The following VRK1 variants were observed in gnomAD, a reference collection of about 807,000 sequenced individuals.
VRK1 encodes VRK serine/threonine kinase 1, also known as serine/threonine-protein kinase VRK1.
In VRK1, 33 loss-of-function variants were observed where a neutral mutation model predicts 57.1. That is an observed-to-expected ratio of 0.58 (90% CI 0.44 to 0.77). The LOEUF (loss-of-function observed/expected upper bound fraction) is 0.77, where lower values mean the gene tolerates loss of function less well. VRK1 is among the 30% of genes least tolerant of loss of function. The probability of loss-of-function intolerance (pLI) is 0.00; values close to 1 mark genes in which losing one functional copy is unlikely to be tolerated. For synonymous variants in VRK1, 137 were observed against 147.8 expected, an observed-to-expected ratio of 0.93 and a Z score of 0.53; for missense variants, 413 against 477.3, an observed-to-expected ratio of 0.87 and a Z score of 1.25.
intron 6 of VRK1, 60 bp downstream of exon 6, chr14:96,852,999 T>A: frequency 6.2e-7 from 1 of 1,605,324 alleles, no homozygotes; most frequent in Non-Finnish European, 8.5e-7. Flanking sequence ...TAAAGGCTAG[T>A]TTATGTTGAA....
chr14:96,873,402 T>C (rs1888904752), intron 11 of VRK1, among the ~76,000 whole-genome samples: 1 of 152,182 alleles, frequency 6.6e-6, no homozygotes, highest in Admixed American at 6.5e-5. Flanking sequence ...TTCAAAAATA[T>C]AATGTGTAAT....
At chr14:96,830,475 T>G (rs750330003) in intron 1 of VRK1, among the ~76,000 whole-genome samples, 1 of 152,182 alleles carries the variant, frequency 6.6e-6, no homozygotes, top group African/African-American at 2.4e-5. Flanking sequence ...ATTTCCGAAC[T>G]GATTTTTGTC....
intron 10 of VRK1, chr14:96,859,155 T>C (rs1888281758): frequency 6.6e-6 from 1 of 152,222 alleles, no homozygotes; most frequent in Non-Finnish European, 1.5e-5. Flanking sequence ...TTAGGTATTT[T>C]TTGATAGTTT....
At chr14:96,876,413 T>C (rs1238090829) in intron 12 of VRK1, among the ~76,000 whole-genome samples, 1 of 152,156 alleles carries the variant, frequency 6.6e-6, no homozygotes, top group East Asian at 1.9e-4. Context: ...TGTGTGCCTG[T>C]AGTCTCAGCT....
In VRK1 at chr14:96,860,749, T is replaced by C. The variant is rs1265534613; in HGVS notation, c.1068+14T>C. On this transcript the variant is annotated intron_variant, in intron 11 of 12. Coordinates refer to ENST00000216639, the MANE Select transcript of VRK1 (RefSeq NM_003384.3). ...ACAATAACAAAGGTGAATTTTGTTATTAAATTATTCTTTGGTCTTCTTGTG... is the reference window on the plus strand; with the variant it reads ...ACAATAACAAAGGTGAATTTTGTTACTAAATTATTCTTTGGTCTTCTTGTG... 1.2e-6 allele frequency: 2 copies of C among 1,611,218 alleles called. No homozygotes were observed. The highest frequency in any genetic ancestry group is 1.1e-5 in the South Asian group (1 of 90,806).
chr14:96,860,647 G>A lies in VRK1; in HGVS notation c.980G>A (p.Gly327Glu), dbSNP rs1339457927. Residue 327 changes from glycine (G) to glutamate (E), a missense_variant, in exon 11 of 13, where the codon GGA becomes GAA. Physicochemically the swap from Gly to Glu is moderately conservative, Grantham distance 98 (BLOSUM62 -2). Around this residue, in one of 3 missense-constraint regions of VRK1, gnomAD observed 146 missense variants for 138.2 expected, o/e 1.06. Transcript: ENST00000216639. Reference protein sequence around the residue: ...YENLRDILLQGLKAIGSKDDG... With the variant: ...YENLRDILLQELKAIGSKDDG... Reference sequence around the variant, plus strand: ...AATTTACGTGACATTCTTTTGCAAGGACTAAAAGCTATAGGAAGTAAGGAT... The same window carrying A: ...AATTTACGTGACATTCTTTTGCAAGAACTAAAAGCTATAGGAAGTAAGGAT... The A allele has an allele frequency of 6.2e-7, 1 of 1,613,220 alleles. No homozygotes were observed. Among genetic ancestry groups the A allele is most frequent in the Non-Finnish European group, 8.5e-7 (1 of 1,179,548 alleles).
At chr14:96,877,601 T>G (rs1339108111) in intron 12 of VRK1, 2 of 1,288,748 alleles carry the variant, frequency 1.6e-6, no homozygotes, top group Non-Finnish European at 2.0e-6. Flanking sequence ...TAAGGAGTAT[T>G]TATAAATATA....
intron 1 of VRK1, among the ~76,000 whole-genome samples, chr14:96,826,712 ATTGT>A (rs1886812229): frequency 6.6e-6 from 1 of 152,222 alleles, no homozygotes; most frequent in African/African-American, 2.4e-5. Context: ...TACTAAAGTG[ATTGT>A]TTAATTCTAA....
At chr14:96,841,226 GTTC>G (rs1481633700) in intron 3 of VRK1, among the ~76,000 whole-genome samples, 11 of 152,086 alleles carry the variant, frequency 7.2e-5, no homozygotes, top group African/African-American at 2.4e-4. Context: ...TATTTCTGTT[GTTC>G]TTCTTTATTG....
chr14:96,809,570 C>CT (rs566987608), intron 1 of VRK1, among the ~76,000 whole-genome samples: 14,105 of 128,482 alleles, frequency 0.11, 871 homozygotes, highest in Non-Finnish European at 0.14. Flanking sequence ...TGCTTGCTTT[C>CT]TTTTTTTTTT....
chr14:96,856,070 T>G, intron 8 of VRK1, 60 bp from the exon 9 acceptor site: 1 of 1,581,260 alleles, frequency 6.3e-7, no homozygotes, highest in African/African-American at 1.4e-5. Flanking sequence ...TTATATATAC[T>G]TTAAATTATA....
At chr14:96,872,170 T>G (rs766109296) in intron 11 of VRK1, among the ~76,000 whole-genome samples, 1 of 152,218 alleles carries the variant, frequency 6.6e-6, no homozygotes, top group Non-Finnish European at 1.5e-5. Context: ...TTCATTCATT[T>G]CCTAACTCTC....
intron 1 of VRK1, among the ~76,000 whole-genome samples, chr14:96,818,407 A>C (rs1481333953): frequency 6.7e-6 from 1 of 149,350 alleles, no homozygotes; most frequent in Non-Finnish European, 1.5e-5. Context: ...TTCTTTTCTG[A>C]AGATAGCCAC....
intron 1 of VRK1, 77 bp from the exon 2 acceptor site, chr14:96,833,390 G>A: frequency 2.5e-6 from 4 of 1,568,936 alleles, no homozygotes; most frequent in Non-Finnish European, 3.5e-6. Context: ...TCTCCGTACG[G>A]AAGTTTTCCT....
At chr14:96,832,886 GT>G (rs1887063967) in intron 1 of VRK1, among the ~76,000 whole-genome samples, 1 of 152,088 alleles carries the variant, frequency 6.6e-6, no homozygotes, top group Non-Finnish European at 1.5e-5. Flanking sequence ...GCAATTTTCT[GT>G]TGTTCCACCA....
At chr14:96,835,706 A>G (rs1012075403) in intron 2 of VRK1, among the ~76,000 whole-genome samples, 27 of 152,220 alleles carry the variant, frequency 1.8e-4, no homozygotes, top group African/African-American at 6.5e-4. Flanking sequence ...ATTCTTGAGC[A>G]TTCCTTCACT....
At chr14:96,839,173 ACTT>A (rs1887352774) in intron 3 of VRK1, among the ~76,000 whole-genome samples, 1 of 150,688 alleles carries the variant, frequency 6.6e-6, no homozygotes, top group Admixed American at 6.6e-5. Context: ...TTGTTTTGTA[ACTT>A]CTTATGCTCA....
At chr14:96,848,009 T>C (rs1359503099) in intron 5 of VRK1, among the ~76,000 whole-genome samples, 1 of 152,324 alleles carries the variant, frequency 6.6e-6, no homozygotes, top group Non-Finnish European at 1.5e-5. Flanking sequence ...TGGAACTTCA[T>C]GGAGTAAGGC....
chr14:96,801,364 G>A (rs921184844), intron 1 of VRK1, among the ~76,000 whole-genome samples: 10 of 152,120 alleles, frequency 6.6e-5, no homozygotes, highest in African/African-American at 1.4e-4. Flanking sequence ...TTGTGATTGC[G>A]TTTCACAATA....
Sources: gnomAD v4.1 joint callset for allele counts (sites outside exome capture counted in the v4.1 genomes callset) on GRCh38, gnomAD v4.1.1 for gene constraint, gnomAD v4.1.1 regional missense constraint, MANE v1.5 for transcripts, NCBI Gene and HGNC (gene_info 2026-07-23, HGNC 2026-07-21) for gene names.